PRKG2: variants seen among roughly 807,000 people sequenced by gnomAD.
PRKG2 encodes protein kinase cGMP-dependent 2, also known as cGMP-dependent protein kinase 2.
Under a neutral mutation model 97.2 loss-of-function variants are expected in PRKG2, and 33 were observed. The observed-to-expected ratio is 0.34, with a 90% CI of 0.26 to 0.45. PRKG2 has a LOEUF of 0.45. Ranked by LOEUF, PRKG2 falls within the 20% of genes least tolerant of loss-of-function variation. PRKG2 has a pLI of 1.00. For synonymous variants in PRKG2, 330 were observed against 321.8 expected, an observed-to-expected ratio of 1.03 and a Z score of -0.27; for missense variants, 638 against 900.0, an observed-to-expected ratio of 0.71 and a Z score of 3.73.
At chr4:81,137,547 CT>C (rs1341391365) in intron 12 of PRKG2, 65 bp from the exon 13 acceptor site, 7 of 1,265,092 alleles carry the variant, frequency 5.5e-6, no homozygotes, top group African/African-American at 4.4e-5. Flanking sequence ...TTTAAAGTTG[CT>C]TAGAACTATC....
At position 81,115,160 on chromosome 4, in the gene PRKG2, G is replaced by C. The variant is rs1413733874; in HGVS notation, c.1777-4549C>G. 2.6e-5 allele frequency among the ~76,000 whole-genome samples: 4 copies of C among 152,106 alleles called. 1 individual carries two copies. Among genetic ancestry groups the C allele is most frequent in the South Asian group, 4.2e-4 (2 of 4,812 alleles). The stretch of plus-strand genomic sequence containing the variant: ...AGTAAAAATGCTGGGTCAAAGACAC[G>C]GTTTCTCCAACTTTACTAGATATTG... On this transcript the variant is annotated intron_variant, in intron 14 of 18. Transcript: ENST00000264399.
chr4:81,168,300 GT>G (rs1750166818), intron 5 of PRKG2, among the ~76,000 whole-genome samples: 1 of 151,994 alleles, frequency 6.6e-6, no homozygotes, highest in Admixed American at 6.6e-5. Context: ...CAAGAATCAG[GT>G]TTATCTTGTT....
At chr4:81,176,148 C>T (rs1750904997) in intron 2 of PRKG2, 1 of 152,106 alleles carries the variant, frequency 6.6e-6, no homozygotes, top group Non-Finnish European at 1.5e-5. Context: ...TTCTTCCCTA[C>T]AGTGACTCAA....
At chr4:81,157,228 TA>T (rs1342641097) in intron 6 of PRKG2, among the ~76,000 whole-genome samples, 2 of 151,720 alleles carry the variant, frequency 1.3e-5, no homozygotes, top group Non-Finnish European at 2.9e-5. Flanking sequence ...ATAGATGCAA[TA>T]AAAAATGATA....
intron 14 of PRKG2, among the ~76,000 whole-genome samples, chr4:81,123,187 T>C (rs997025690): frequency 2.0e-5 from 3 of 152,262 alleles, no homozygotes; most frequent in Non-Finnish European, 4.4e-5. Flanking sequence ...ATTGCTCATA[T>C]GTCCTTATCT....
chr4:81,111,697 A>C (rs953165824), intron 14 of PRKG2, among the ~76,000 whole-genome samples: 1 of 152,138 alleles, frequency 6.6e-6, no homozygotes, highest in African/African-American at 2.4e-5. Flanking sequence ...AACTCCGTGC[A>C]CAGAATAGAC....
At chr4:81,189,633 G>C (rs1752292469) in intron 2 of PRKG2, among the ~76,000 whole-genome samples, 1 of 149,366 alleles carries the variant, frequency 6.7e-6, no homozygotes, top group African/African-American at 2.5e-5. Flanking sequence ...AGTGGGGAGG[G>C]ATAGCTTTAG....
Position 81,088,094 on chromosome 4 carries a change from A to C in PRKG2, c.*1614T>G, listed in dbSNP as rs1333704148. ...TTAAGCAGGTTATGTCAATCCTATT[A>C]AAAATGATTATTCTATGTACAATAC... On this transcript the variant is annotated 3_prime_UTR_variant, in exon 19 of 19. Coordinates refer to ENST00000264399, the MANE Select transcript of PRKG2 (RefSeq NM_006259.3). The C allele has an allele frequency of 6.6e-6, 1 of 152,158 alleles. No homozygotes were observed. Among genetic ancestry groups the C allele is most frequent in the African/African-American group, 2.4e-5 (1 of 41,458 alleles). The allele number at this position is 152,158 out of a possible 1,614,324, so 9.4% of individuals were successfully genotyped here. A position where few individuals can be genotyped will look rare whatever the true frequency, so the allele number is the denominator to read the frequency against.
chr4:81,106,810 T>C (rs897725083), intron 15 of PRKG2, among the ~76,000 whole-genome samples: 3 of 152,126 alleles, frequency 2.0e-5, no homozygotes, highest in African/African-American at 7.2e-5. Context: ...ACTGGTGCCA[T>C]TCTAAGGAAA....
intron 18 of PRKG2, among the ~76,000 whole-genome samples, chr4:81,091,172 A>G (rs1171853565): frequency 1.3e-5 from 2 of 152,250 alleles, no homozygotes; most frequent in Admixed American, 6.5e-5. Flanking sequence ...GAGTGATACA[A>G]TATTTCTGCC....
intron 1 of PRKG2, among the ~76,000 whole-genome samples, chr4:81,213,984 C>G (rs1174120188): frequency 1.3e-5 from 2 of 152,076 alleles, no homozygotes; most frequent in East Asian, 3.9e-4. Flanking sequence ...CTCATACCCT[C>G]CTGTGCAAAA....
chr4:81,186,560 G>C (rs566784963), intron 2 of PRKG2, among the ~76,000 whole-genome samples: 2 of 152,208 alleles, frequency 1.3e-5, no homozygotes, highest in South Asian at 4.1e-4. Flanking sequence ...ACAATTAAAA[G>C]ATCTAGAGAA....
intron 13 of PRKG2, among the ~76,000 whole-genome samples, chr4:81,136,565 A>G (rs965082199): frequency 1.3e-5 from 2 of 152,086 alleles, no homozygotes; most frequent in African/African-American, 4.8e-5. Context: ...GAGAGACATA[A>G]TACTACCCCA....
intron 2 of PRKG2, among the ~76,000 whole-genome samples, chr4:81,203,891 T>G (rs1753476881): frequency 6.6e-6 from 1 of 152,224 alleles, no homozygotes; most frequent in East Asian, 1.9e-4. Flanking sequence ...GGTCACTTCC[T>G]CAGCCAGGCC....
chr4:81,089,862 A>T, intron 18 of PRKG2, 59 bp from the exon 19 acceptor site: 1 of 1,340,802 alleles, frequency 7.5e-7, no homozygotes, highest in East Asian at 2.3e-5. Flanking sequence ...ATGCTATCAC[A>T]TATGGGTAAT....
intron 1 of PRKG2, among the ~76,000 whole-genome samples, chr4:81,207,312 A>C (rs1753734837): frequency 6.6e-6 from 1 of 152,186 alleles, no homozygotes; most frequent in Non-Finnish European, 1.5e-5. Context: ...TTCTTAGGTC[A>C]GTAGAGAAAG....
At chr4:81,107,154 T>C (rs1743429011) in intron 15 of PRKG2, among the ~76,000 whole-genome samples, 1 of 151,812 alleles carries the variant, frequency 6.6e-6, no homozygotes, top group East Asian at 1.9e-4. Context: ...AAAGACGGAG[T>C]TGGGGTGGTG....
At chr4:81,101,297 C>G (rs566082551) in intron 17 of PRKG2, among the ~76,000 whole-genome samples, 2 of 152,202 alleles carry the variant, frequency 1.3e-5, no homozygotes, top group African/African-American at 4.8e-5. Flanking sequence ...TTCACAATAG[C>G]AAAGACATGG....
In PRKG2 at chr4:81,169,880, A is replaced by C; in HGVS notation, c.743-112T>G. 4.8e-6 allele frequency: 3 copies of C among 626,686 alleles called. No homozygotes were observed. In the South Asian group the frequency reaches 8.3e-5, roughly 17 times the overall value. 38.8% of individuals were successfully genotyped at this position (626,686 alleles called of 1,614,324 possible). A position where few individuals can be genotyped will look rare whatever the true frequency, so the allele number is the denominator to read the frequency against. ...TTCTTATAAAATGGTACTTCTTGGAAAATGTATTATTTAAACATACAAATG... is the reference window on the plus strand; with the variant it reads ...TTCTTATAAAATGGTACTTCTTGGACAATGTATTATTTAAACATACAAATG... On this transcript the variant is annotated intron_variant, in intron 4 of 18. Transcript: ENST00000264399.
Sources: allele counts gnomAD v4.1 joint callset (sites outside exome capture counted in the v4.1 genomes callset), GRCh38; gene constraint gnomAD v4.1.1; transcripts MANE v1.5; gene names NCBI Gene and HGNC (gene_info 2026-07-23, HGNC 2026-07-21).